The following NUP42 variants were observed in gnomAD, a reference collection of about 807,000 sequenced individuals.
The protein encoded by NUP42 is nucleoporin 42.
A neutral mutation model predicts 35.9 loss-of-function variants in NUP42; 47 were observed. The observed-to-expected ratio is 1.31, with a 90% CI of 1.04 to 1.67. The LOEUF (loss-of-function observed/expected upper bound fraction) is 1.67, where lower values mean the gene tolerates loss of function less well. Among genes scored for constraint, NUP42 ranks in the 40% most tolerant of loss-of-function variants. NUP42 has a pLI of 0.00. For synonymous variants in NUP42, 173 were observed against 173.3 expected, an observed-to-expected ratio of 1.00 and a Z score of 0.01; for missense variants, 514 against 492.2, an observed-to-expected ratio of 1.04 and a Z score of -0.42.
At chr7:23,197,986 C>T (rs1011504207) in intron 5 of NUP42, among the ~76,000 whole-genome samples, 12 of 152,018 alleles carry the variant, frequency 7.9e-5, no homozygotes, top group East Asian at 1.9e-4. Context: ...CAGTGGCTCA[C>T]GCCTGTAATC....
chr7:23,193,710 C>T (rs1003201713), intron 3 of NUP42, among the ~76,000 whole-genome samples: 2 of 152,256 alleles, frequency 1.3e-5, no homozygotes, highest in African/African-American at 2.4e-5. Context: ...AGCTACCCGC[C>T]AGTCCCGCGG....
intron 5 of NUP42, chr7:23,197,343 A>G (rs1786047980): frequency 1.1e-5 from 6 of 538,992 alleles, no homozygotes; most frequent in South Asian, 3.8e-5. Flanking sequence ...AATATTTCCA[A>G]TTTCTCAGAT....
rs183633902 is a variant in NUP42 at position 23,193,717 on chromosome 7, G to A, written c.446-2122G>A. Among the ~76,000 whole-genome samples the A allele has an allele frequency of 7.9e-5, 12 of 152,344 alleles. No individual in the cohort carries two copies. In the East Asian group the frequency reaches 1.5e-3, roughly 20 times the overall value. Reference sequence around the variant, plus strand: ...ACAGGTGGAGCTACCCGCCAGTCCCGCGGTGTGTGCCCACACTCCTCAGCC... The same window carrying A: ...ACAGGTGGAGCTACCCGCCAGTCCCACGGTGTGTGCCCACACTCCTCAGCC... On this transcript the variant is annotated intron_variant, in intron 3 of 6. Coordinates refer to ENST00000258742, the MANE Select transcript of NUP42 (RefSeq NM_007342.3).
intron 3 of NUP42, chr7:23,188,018 T>TTTA (rs1562605096): frequency 8.5e-7 from 1 of 1,174,900 alleles, no homozygotes; most frequent in African/African-American, 1.6e-5. Context: ...TTTTTATTTT[T>TTTA]TTTTTTGTCC....
At chr7:23,184,643 A>G (rs747027847) in intron 1 of NUP42, among the ~76,000 whole-genome samples, 14 of 152,204 alleles carry the variant, frequency 9.2e-5, no homozygotes, top group Non-Finnish European at 2.1e-4. Flanking sequence ...ATGAGTTTAA[A>G]TGTAGTGCTT....
In NUP42 at chr7:23,189,572, G is replaced by T. The variant is rs193001363; in HGVS notation, c.445+2426G>T. On this transcript the variant is annotated intron_variant, in intron 3 of 6. Transcript: ENST00000258742. Reference sequence around the variant, plus strand: ...CAAAGTTATGGTGAGCTCTGATGGTGCCACCACACTCCAGCCTGGGTGACA... The same window carrying T: ...CAAAGTTATGGTGAGCTCTGATGGTTCCACCACACTCCAGCCTGGGTGACA... Among the ~76,000 whole-genome samples, 431 of 152,236 alleles carry T rather than the reference G, an allele frequency of 2.8e-3. 2 individuals carry two copies. Among genetic ancestry groups the T allele is most frequent in the African/African-American group, 1.0e-2 (415 of 41,550 alleles).
chr7:23,195,725 T>G (rs1181265991), intron 3 of NUP42, 114 bp from the exon 4 acceptor site: 2 of 652,650 alleles, frequency 3.1e-6, no homozygotes, highest in Admixed American at 3.3e-5. Context: ...TTCTTCCTCA[T>G]GGTTATGAAA....
intron 3 of NUP42, chr7:23,187,930 TTC>T (rs1785652192): frequency 8.7e-5 from 38 of 435,372 alleles, no homozygotes; most frequent in East Asian, 1.4e-4. Flanking sequence ...CTTTAGAATA[TTC>T]TCTGTCTCTC....
chr7:23,187,226 A>G (rs1451726622), intron 3 of NUP42, 80 bp downstream of exon 3: 1 of 931,658 alleles, frequency 1.1e-6, no homozygotes, highest in East Asian at 2.5e-5. Context: ...AAATAAAGAA[A>G]TCAACTACCA....
At position 23,185,120 on chromosome 7, in the gene NUP42, A is replaced by G. The variant is rs950136083; in HGVS notation, c.172A>G (p.Ile58Val). 13 of 1,614,208 alleles carry G rather than the reference A, an allele frequency of 8.1e-6. No individual in the cohort carries two copies. Among genetic ancestry groups the G allele is most frequent in the African/African-American group, 1.3e-5 (1 of 75,048 alleles). The change falls in exon 2 of 7, where the codon ATC becomes GTC. Residue 58 changes from isoleucine (I) to valine (V), a missense_variant. Physicochemically the swap from Ile to Val is conservative, Grantham distance 29. Transcript: ENST00000258742. ...NTTSQRYSNVIQPSSFSKSTP... is the reference protein window; with the variant it reads ...NTTSQRYSNVVQPSSFSKSTP... ...AACTAGCCAGAGATATTCCAATGTC[A>G]TCCAGCCATCCAGTTTCTCCAAATC...
In NUP42 at chr7:23,187,050, A is replaced by G. The variant is rs1187713027; in HGVS notation, c.351-2A>G. The G allele has an allele frequency of 2.0e-6, 3 of 1,537,470 alleles. No homozygotes were observed. Among genetic ancestry groups the G allele is most frequent in the Admixed American group, 2.0e-5 (1 of 49,288 alleles). On this transcript the variant is annotated splice_acceptor_variant, in intron 2 of 6. Transcript: ENST00000258742. LOFTEE classifies it high-confidence loss of function. The stretch of plus-strand genomic sequence containing the variant: ...CTCTTTTTTTTTTTTTCTTTTTTGC[A>G]GGGAAGGAATTGTAAAAGATATGGA...
chr7:23,200,728 G>C lies in NUP42; in HGVS notation c.1255G>C (p.Glu419Gln). The C allele has an allele frequency of 6.3e-7, 1 of 1,584,432 alleles. No individual in the cohort carries two copies. The highest frequency in any genetic ancestry group is 1.2e-5 in the South Asian group (1 of 85,906). Residue 419 changes from glutamate (E) to glutamine (Q), a missense_variant, in exon 7 of 7, where the codon GAA (glutamate) becomes CAA (glutamine). Physicochemically the swap from Glu to Gln is conservative, Grantham distance 29. Transcript: ENST00000258742. ...GKIPLKPPPL[E>Q]LLNV The stretch of plus-strand genomic sequence containing the variant: ...AATTCCATTAAAGCCTCCACCTCTG[G>C]AACTTCTAAATGTTTAAAAGGGCAA...
intron 3 of NUP42, among the ~76,000 whole-genome samples, chr7:23,192,712 C>T (rs764258337): frequency 2.6e-5 from 4 of 151,886 alleles, no homozygotes; most frequent in South Asian, 2.1e-4. Context: ...GTGGCAGAGG[C>T]GGAAGAAAAT....
intron 3 of NUP42, among the ~76,000 whole-genome samples, chr7:23,192,958 T>C (rs1271480963): frequency 6.6e-6 from 1 of 152,122 alleles, no homozygotes; most frequent in Non-Finnish European, 1.5e-5. Context: ...GTCCGGAGTT[T>C]GTTCCTTCTG....
intron 3 of NUP42, among the ~76,000 whole-genome samples, chr7:23,193,989 A>G (rs1273318338): frequency 1.3e-5 from 2 of 152,162 alleles, no homozygotes; most frequent in African/African-American, 4.8e-5. Context: ...TAAGCTTCTC[A>G]TTGCCCGGCA....
chr7:23,199,595 T>A (rs1786139395), intron 6 of NUP42, 53 bp downstream of exon 6: 3 of 1,459,222 alleles, frequency 2.1e-6, no homozygotes, highest in Non-Finnish European at 2.9e-6. Flanking sequence ...TTAGATTTTA[T>A]AGGTTTCAAA....
Position 23,182,193 on chromosome 7 carries a change from G to GCAACCGCAA in NUP42, c.110_111insACCGCAACA (p.Pro35_Gln37dup). 6.2e-7 allele frequency: 1 copy of GCAACCGCAA among 1,611,718 alleles called. No individual in the cohort carries two copies. The highest frequency in any genetic ancestry group is 8.5e-7 in the Non-Finnish European group (1 of 1,178,916). On this transcript the variant is annotated inframe_insertion, in exon 1 of 7. Transcript: ENST00000258742. ...CAGGAGGAGGACGGCAGCAACCGCA[G>GCAACCGCAA]CAGCAGCCTTCAGGTGACTCTCCTC...
chr7:23,199,203 A>G (rs188082334), intron 5 of NUP42, among the ~76,000 whole-genome samples: 3 of 152,086 alleles, frequency 2.0e-5, no homozygotes, highest in Non-Finnish European at 4.4e-5. Flanking sequence ...TCAGGCTCCC[A>G]AATAGCTGGG....
At chr7:23,188,297 T>A in intron 3 of NUP42, 1 of 1,194,894 alleles carries the variant, frequency 8.4e-7, no homozygotes, top group Non-Finnish European at 1.0e-6. Context: ...TGCTAAGTGC[T>A]AGGAATATAG....
Sources: allele counts gnomAD v4.1 joint callset (sites outside exome capture counted in the v4.1 genomes callset), GRCh38; gene constraint gnomAD v4.1.1; transcripts MANE v1.5; gene names NCBI Gene and HGNC (gene_info 2026-07-23, HGNC 2026-07-21).